PHEX: variants seen among roughly 807,000 people sequenced by gnomAD.
The protein encoded by PHEX is phosphate-regulating neutral endopeptidase PHEX.
Under a neutral mutation model 68.0 loss-of-function variants are expected in PHEX, and 16 were observed. The observed-to-expected ratio is 0.24, with a 90% CI of 0.16 to 0.36. The LOEUF (loss-of-function observed/expected upper bound fraction) is 0.36. PHEX is among the 10% of genes least tolerant of loss of function. The probability of loss-of-function intolerance (pLI) is 1.00; values close to 1 mark genes in which losing one functional copy is unlikely to be tolerated. For missense variants in PHEX, 480 were observed against 575.5 expected (o/e 0.83, Z 1.70); for synonymous variants, 208 against 205.1 (o/e 1.01, Z -0.12).
intron 15 of PHEX, among the ~76,000 whole-genome samples, chrX:22,203,167 C>T (rs757876407): frequency 9.0e-6 from 1 of 111,311 alleles, no homozygotes; most frequent in Admixed American, 9.6e-5. Flanking sequence ...TCTGTCCCAG[C>T]TAGACAGGGA....
At chrX:22,068,665 CA>C (rs1928730372) in intron 3 of PHEX, among the ~76,000 whole-genome samples, 1 of 112,058 alleles carries the variant, frequency 8.9e-6, no homozygotes, top group Non-Finnish European at 1.9e-5. Flanking sequence ...GATTGCTGGG[CA>C]GGTTAATTGA....
intron 17 of PHEX, 141 bp from the exon 18 acceptor site, chrX:22,221,472 G>A: frequency 2.0e-6 from 1 of 508,360 alleles, no homozygotes. Context: ...TGACATTGGA[G>A]AGAATGCAGG....
intron 3 of PHEX, among the ~76,000 whole-genome samples, chrX:22,049,600 G>A (rs375793915): frequency 2.7e-5 from 3 of 110,391 alleles, no homozygotes; most frequent in Non-Finnish European, 5.7e-5. Flanking sequence ...AGCTGGGTAC[G>A]GTGGCTCATG....
chrX:22,205,277 C>T (rs1429922712), intron 15 of PHEX, among the ~76,000 whole-genome samples: 1 of 111,835 alleles, frequency 8.9e-6, no homozygotes, highest in Non-Finnish European at 1.9e-5. Flanking sequence ...TTTACTTTGT[C>T]ATTTGCCCCT....
At position 22,234,994 on chromosome X, in the gene PHEX, G is replaced by A. The variant is rs144672436; in HGVS notation, c.2070+7383G>A. Among the ~76,000 whole-genome samples the A allele has an allele frequency of 3.2e-3, 353 of 111,828 alleles. 2 individuals are homozygous for A. The highest frequency in any genetic ancestry group is 0.011 in the African/African-American group (329 of 30,803). On this transcript the variant is annotated intron_variant, in intron 20 of 21. Coordinates refer to ENST00000379374, the MANE Select transcript of PHEX (RefSeq NM_000444.6). ...TCTGGAATCTCCTCCTGTTCTGCAG[G>A]TTGCGAAGACCGTGGGGAAAGTGCA...
In PHEX at chrX:22,088,595, T is replaced by C. The variant is rs180710809; in HGVS notation, c.664-1834T>C. Among the ~76,000 whole-genome samples the C allele has an allele frequency of 4.5e-5, 5 of 111,980 alleles. No homozygotes were observed. In the South Asian group the frequency reaches 1.9e-3, roughly 42 times the overall value. ...TTCGTGTTCTTATTTTCTATCTTCA[T>C]ATGTTCTTTGATGAAGTGTCTGTTA... On this transcript the variant is annotated intron_variant, in intron 5 of 21. Coordinates refer to ENST00000379374, the MANE Select transcript of PHEX (RefSeq NM_000444.6).
intron 13 of PHEX, among the ~76,000 whole-genome samples, chrX:22,176,139 C>T (rs1172030963): frequency 9.0e-6 from 1 of 110,881 alleles, no homozygotes; most frequent in African/African-American, 3.3e-5. Context: ...GTAATCCCAG[C>T]ACTTTGGGAG....
chrX:22,230,229 CTTTTTTTTTTTTTTTTT>C (rs140475343), intron 20 of PHEX, among the ~76,000 whole-genome samples: 81 of 10,953 alleles, frequency 7.4e-3, no homozygotes, highest in African/African-American at 0.016. Flanking sequence ...TATATGGGCT[CTTTTTTTTTTTTTTTTT>C]TTTTTTTTTT....
intron 15 of PHEX, among the ~76,000 whole-genome samples, chrX:22,205,463 T>C (rs1934680547): frequency 9.0e-6 from 1 of 111,225 alleles, no homozygotes; most frequent in African/African-American, 3.3e-5. Flanking sequence ...AAGTTTGCTA[T>C]AGAGAAAGGA....
At chrX:22,237,801 AT>A (rs1013607788) in intron 20 of PHEX, among the ~76,000 whole-genome samples, 1 of 111,531 alleles carries the variant, frequency 9.0e-6, no homozygotes, top group Non-Finnish European at 1.9e-5. Context: ...CACTTAGAAT[AT>A]TTTTTTCCAT....
intron 12 of PHEX, among the ~76,000 whole-genome samples, chrX:22,166,653 C>A (rs762972739): frequency 3.6e-5 from 4 of 111,081 alleles, no homozygotes; most frequent in African/African-American, 1.3e-4. Context: ...TTAAAATCTA[C>A]TCCCTTAGCC....
chrX:22,233,240 CT>C (rs1404592681), intron 20 of PHEX, among the ~76,000 whole-genome samples: 6 of 111,516 alleles, frequency 5.4e-5, no homozygotes, highest in Non-Finnish European at 1.1e-4. Context: ...CTCCCCTTAA[CT>C]TTTTTTCCTC....
intron 14 of PHEX, among the ~76,000 whole-genome samples, chrX:22,185,578 G>A (rs1934002573): frequency 1.8e-5 from 2 of 111,360 alleles, no homozygotes; most frequent in African/African-American, 6.6e-5. Context: ...AGTTTTCTGG[G>A]AAGATTCAGC....
chrX:22,209,573 A>G (rs1211167084), intron 15 of PHEX, among the ~76,000 whole-genome samples: 1 of 109,724 alleles, frequency 9.1e-6, no homozygotes, highest in Non-Finnish European at 1.9e-5. Flanking sequence ...GCAACAACCT[A>G]CACTCCCATC....
At chrX:22,141,965 T>G (rs1932481990) in intron 12 of PHEX, among the ~76,000 whole-genome samples, 1 of 112,413 alleles carries the variant, frequency 8.9e-6, no homozygotes, top group Non-Finnish European at 1.9e-5. Flanking sequence ...GAATATTCAC[T>G]GTTGGCTGGG....
At chrX:22,209,744 GCTCCCTCTCCTCCCTCTCCTCCCTCTC>G (rs1215563079) in intron 15 of PHEX, among the ~76,000 whole-genome samples, 1 of 68,366 alleles carries the variant, frequency 1.5e-5, no homozygotes, top group African/African-American at 7.5e-5. Context: ...TGCTCCCTCT[GCTCCCTCTCCTCCCTCTCCTCCCTCTC>G]CTCCCTCTCC....
intron 15 of PHEX, among the ~76,000 whole-genome samples, chrX:22,194,648 A>C (rs5951511): frequency 0.045 from 5,097 of 112,440 alleles, 281 homozygotes; most frequent in African/African-American, 0.16. Flanking sequence ...CTTCTTCTGC[A>C]CGCAATAGAG....
At chrX:22,141,117 A>T (rs1406095052) in intron 12 of PHEX, among the ~76,000 whole-genome samples, 1 of 110,697 alleles carries the variant, frequency 9.0e-6, no homozygotes, top group Non-Finnish European at 1.9e-5. Flanking sequence ...ATCACTCAGG[A>T]CTAGCTAAAA....
intron 3 of PHEX, among the ~76,000 whole-genome samples, chrX:22,053,479 C>G (rs772820118): frequency 2.7e-5 from 3 of 111,780 alleles, no homozygotes; most frequent in African/African-American, 9.7e-5. Flanking sequence ...AATAAAATTA[C>G]TTCCTATTCT....
Sources: gnomAD v4.1 joint callset for allele counts (sites outside exome capture counted in the v4.1 genomes callset) on GRCh38, gnomAD v4.1.1 for gene constraint, MANE v1.5 for transcripts, NCBI Gene and HGNC (gene_info 2026-07-23, HGNC 2026-07-21) for gene names.